The following SLCO2A1 variants were observed in gnomAD, a reference collection of about 807,000 sequenced individuals.
The protein encoded by SLCO2A1 is matrin F/G 1.
Under a neutral mutation model 71.7 loss-of-function variants are expected in SLCO2A1, and 60 were observed. The ratio of observed to expected loss-of-function variants is 0.84; its 90% CI spans 0.68 to 1.04. The LOEUF (loss-of-function observed/expected upper bound fraction) is 1.04, where lower values mean the gene tolerates loss of function less well. SLCO2A1 is among the 50% of genes least tolerant of loss of function. The pLI, the probability that SLCO2A1 is intolerant of heterozygous loss-of-function variation, is 0.00. For synonymous variants in SLCO2A1, 308 were observed against 326.7 expected, an observed-to-expected ratio of 0.94 and a Z score of 0.62; for missense variants, 745 against 813.4, an observed-to-expected ratio of 0.92 and a Z score of 1.02.
At chr3:133,946,020 G>T (rs1933566339) in intron 9 of SLCO2A1, among the ~76,000 whole-genome samples, 1 of 152,124 alleles carries the variant, frequency 6.6e-6, no homozygotes, top group South Asian at 2.1e-4. Flanking sequence ...AGGAACACTG[G>T]TATACAGTCC....
At chr3:134,004,757 G>C (rs1230944498) in intron 1 of SLCO2A1, among the ~76,000 whole-genome samples, 1 of 152,196 alleles carries the variant, frequency 6.6e-6, no homozygotes, top group Non-Finnish European at 1.5e-5. Flanking sequence ...AGGAATGTGG[G>C]TGACTCTAGA....
At chr3:133,967,084 T>G (rs903281011) in intron 3 of SLCO2A1, among the ~76,000 whole-genome samples, 1 of 152,204 alleles carries the variant, frequency 6.6e-6, no homozygotes, top group Admixed American at 6.5e-5. Flanking sequence ...AGACACAGTC[T>G]GCCAGCCTTC....
At chr3:133,987,306 G>A (rs1026074392) in intron 1 of SLCO2A1, among the ~76,000 whole-genome samples, 27 of 151,748 alleles carry the variant, frequency 1.8e-4, no homozygotes, top group Admixed American at 9.2e-4. Context: ...ACACAGACCT[G>A]AAGTCTGATA....
chr3:134,025,073 G>A (rs1322778826), intron 1 of SLCO2A1, among the ~76,000 whole-genome samples: 3 of 152,056 alleles, frequency 2.0e-5, no homozygotes, highest in Non-Finnish European at 4.4e-5. Context: ...AGTCACACCC[G>A]GAAGCTGACT....
intron 4 of SLCO2A1, among the ~76,000 whole-genome samples, chr3:133,954,689 T>C (rs1195345483): frequency 6.6e-6 from 1 of 152,174 alleles, no homozygotes; most frequent in African/African-American, 2.4e-5. Context: ...TGCCATCTCA[T>C]GTATCCCACA....
intron 1 of SLCO2A1, among the ~76,000 whole-genome samples, chr3:133,996,149 A>C (rs564183071): frequency 6.6e-6 from 1 of 152,174 alleles, no homozygotes; most frequent in Non-Finnish European, 1.5e-5. Flanking sequence ...AGGAGGTTTC[A>C]TCAAGAAGAA....
chr3:133,948,851 C>G (rs1489075746), intron 7 of SLCO2A1, 42 bp downstream of exon 7: 3 of 1,604,724 alleles, frequency 1.9e-6, no homozygotes. Flanking sequence ...TATCCCCTCC[C>G]CCGCACTGTG....
At chr3:133,966,606 C>G (rs776024029) in intron 3 of SLCO2A1, among the ~76,000 whole-genome samples, 2 of 152,216 alleles carry the variant, frequency 1.3e-5, no homozygotes, top group African/African-American at 2.4e-5. Context: ...CTGTTTCCCT[C>G]TTTTAGATTT....
chr3:134,016,634 T>C (rs59926407), intron 1 of SLCO2A1, among the ~76,000 whole-genome samples: 8,100 of 152,244 alleles, frequency 0.053, 486 homozygotes, highest in East Asian at 0.19. Context: ...CAGCAGTTTT[T>C]TAAAAAATAT....
chr3:133,940,427 C>T (rs570267354), intron 11 of SLCO2A1, among the ~76,000 whole-genome samples: 5 of 152,192 alleles, frequency 3.3e-5, no homozygotes, highest in Non-Finnish European at 7.3e-5. Context: ...TCTAGAGAAG[C>T]CCATCCTGTG....
chr3:133,975,132 C>A (rs1211495685), intron 2 of SLCO2A1, among the ~76,000 whole-genome samples: 2 of 152,158 alleles, frequency 1.3e-5, no homozygotes, highest in African/African-American at 4.8e-5. Context: ...GGGCCCAGAG[C>A]TCTGCCCCTA....
chr3:133,966,947 T>C (rs1271481138), intron 3 of SLCO2A1, among the ~76,000 whole-genome samples: 5 of 152,184 alleles, frequency 3.3e-5, no homozygotes, highest in Non-Finnish European at 5.9e-5. Flanking sequence ...CCTTTTTCTG[T>C]GGGGCTTTCC....
intron 1 of SLCO2A1, among the ~76,000 whole-genome samples, chr3:134,014,370 A>T (rs1297254002): frequency 2.6e-5 from 4 of 152,168 alleles, no homozygotes; most frequent in Admixed American, 2.0e-4. Flanking sequence ...GCTCAGGAAG[A>T]GAGCTGCTGG....
intron 1 of SLCO2A1, among the ~76,000 whole-genome samples, chr3:134,004,153 G>A (rs892558381): frequency 6.6e-6 from 1 of 150,826 alleles, no homozygotes; most frequent in Non-Finnish European, 1.5e-5. Context: ...ACTGTCTCTG[G>A]TTTGGTTGAA....
chr3:133,944,514 GTGGCCAGAAGATACA>G (rs1933513852), intron 10 of SLCO2A1, among the ~76,000 whole-genome samples: 1 of 152,222 alleles, frequency 6.6e-6, no homozygotes, highest in African/African-American at 2.4e-5. Context: ...TGGAAAGCTG[GTGGCCAGAAGATACA>G]TGGCTTTGAA....
chr3:133,998,662 C>A (rs985753372), intron 1 of SLCO2A1: 8 of 152,294 alleles, frequency 5.3e-5, no homozygotes, highest in African/African-American at 1.9e-4. Flanking sequence ...TCCTCTCCTT[C>A]CTCTCGAAGC....
At chr3:134,024,846 T>A (rs527926427) in intron 1 of SLCO2A1, among the ~76,000 whole-genome samples, 1 of 152,120 alleles carries the variant, frequency 6.6e-6, no homozygotes, top group Non-Finnish European at 1.5e-5. Context: ...CACATAACCA[T>A]TGAAGTTTGC....
intron 1 of SLCO2A1, among the ~76,000 whole-genome samples, chr3:134,019,319 TATAG>T (rs765098317): frequency 1.3e-5 from 2 of 152,206 alleles, no homozygotes; most frequent in Non-Finnish European, 2.9e-5. Flanking sequence ...GAGGATTAAA[TATAG>T]ATAAAGTACT....
chr3:133,945,022 G>C, intron 10 of SLCO2A1, 73 bp downstream of exon 10: 1 of 1,514,022 alleles, frequency 6.6e-7, no homozygotes, highest in African/African-American at 1.4e-5. Context: ...CCGAGAAACA[G>C]TCTTTGAGGG....
Sources: gnomAD v4.1 joint callset for allele counts (sites outside exome capture counted in the v4.1 genomes callset) on GRCh38, gnomAD v4.1.1 for gene constraint, MANE v1.5 for transcripts, NCBI Gene and HGNC (gene_info 2026-07-23, HGNC 2026-07-21) for gene names.